Variants in TIAM2 observed in about 807,000 individuals in gnomAD.
TIAM2 encodes the protein TIAM Rac1 associated GEF 2.
Under a neutral mutation model 152.9 loss-of-function variants are expected in TIAM2, and 80 were observed. The ratio of observed to expected loss-of-function variants is 0.52; its 90% CI spans 0.44 to 0.63. The LOEUF is 0.63. TIAM2 is among the 30% of genes least tolerant of loss of function. The pLI is 0.00. For synonymous variants in TIAM2, 804 were observed against 838.0 expected (o/e 0.96, Z 0.70); for missense variants, 1,965 against 2,120.1 (o/e 0.93, Z 1.44).
At chr6:155,153,796 A>G (rs1286780143) in intron 7 of TIAM2, among the ~76,000 whole-genome samples, 2 of 151,740 alleles carry the variant, frequency 1.3e-5, no homozygotes, top group Non-Finnish European at 2.9e-5. Context: ...TAATTTTTGT[A>G]TTTTTAGTAG....
chr6:155,097,352 A>G (rs1258931890), intron 2 of TIAM2, among the ~76,000 whole-genome samples: 2 of 151,512 alleles, frequency 1.3e-5, no homozygotes, highest in Non-Finnish European at 2.9e-5. Flanking sequence ...TTTTATTTTT[A>G]TTTTTTTGAA....
At chr6:155,030,394 A>T (rs1163816518) in intron 1 of TIAM2, among the ~76,000 whole-genome samples, 3 of 152,154 alleles carry the variant, frequency 2.0e-5, no homozygotes, top group Non-Finnish European at 2.9e-5. Flanking sequence ...CAGTCCTGTG[A>T]TAGCTGCTCA....
Position 155,179,134 on chromosome 6 carries a change from G to T in TIAM2, c.2619G>T (p.Met873Ile), listed in dbSNP as rs1333582929. The change falls in exon 11 of 27, where the codon ATG (methionine) becomes ATT (isoleucine). Residue 873 changes from methionine (M) to isoleucine (I), a missense_variant. Met to Ile is a conservative substitution (Grantham distance 10). Coordinates refer to ENST00000682666, the MANE Select transcript of TIAM2 (RefSeq NM_012454.4). ...EYCIPAPYEY[M>I]QQQVYDEIEV... ...GCATCCCTGCACCATATGAATATAT[G>T]CAACAACAGGTAAGTGTGCACTAGC... 1 of 1,612,612 alleles carries T rather than the reference G, an allele frequency of 6.2e-7. No individual in the cohort carries two copies. The highest frequency in any genetic ancestry group is 1.3e-5 in the African/African-American group (1 of 74,882).
chr6:155,119,286 C>T lies in TIAM2; in HGVS notation c.-117-8204C>T, dbSNP rs141214682. 3.5e-3 allele frequency among the ~76,000 whole-genome samples: 532 copies of T among 151,534 alleles called. 2 individuals are homozygous for T. The highest frequency in any genetic ancestry group is 0.012 in the African/African-American group (503 of 41,320). On this transcript the variant is annotated intron_variant, in intron 2 of 26. Coordinates refer to ENST00000682666, the MANE Select transcript of TIAM2 (RefSeq NM_012454.4). ...CTGACTTCATGTGATCCACCAGCCT[C>T]GGCCTCCCAAAGTCCTGGGATTACA...
chr6:155,062,062 C>T (rs1162954267), intron 1 of TIAM2, among the ~76,000 whole-genome samples: 1 of 151,394 alleles, frequency 6.6e-6, no homozygotes, highest in Non-Finnish European at 1.5e-5. Flanking sequence ...TCTGGCTTAC[C>T]CTCGCCACCG....
intron 2 of TIAM2, among the ~76,000 whole-genome samples, chr6:155,098,951 G>A (rs1778483938): frequency 6.6e-6 from 1 of 152,196 alleles, no homozygotes; most frequent in Admixed American, 6.5e-5. Context: ...ACTTTGGGAG[G>A]CTGAGGCGGG....
At chr6:155,250,619 AC>A in intron 21 of TIAM2, 1 of 1,535,992 alleles carries the variant, frequency 6.5e-7, no homozygotes, top group Non-Finnish European at 8.7e-7. Flanking sequence ...AGAACCACGG[AC>A]ACTGGTAGAG....
Position 155,164,432 on chromosome 6 carries a change from G to T in TIAM2, c.2046G>T (p.Gln682His). The T allele has an allele frequency of 6.3e-7, 1 of 1,596,082 alleles. No individual in the cohort carries two copies. Among genetic ancestry groups the T allele is most frequent in the South Asian group, 1.1e-5 (1 of 89,552 alleles). Residue 682 changes from glutamine (Q) to histidine (H), a missense_variant, in exon 8 of 27, where the codon CAG (glutamine) becomes CAT (histidine). Physicochemically the swap from Gln to His is conservative, Grantham distance 24 (BLOSUM62 0). This residue lies in a region of TIAM2 where 1,025 missense variants were observed against 1,119.4 expected (regional missense o/e 0.92). Transcript: ENST00000682666. Reference sequence around the variant, plus strand: ...GCTTTAAGATCCAGCAATGGGAGCAGAATCTTGAGAAATTTCACATGGATC... The same window carrying T: ...GCTTTAAGATCCAGCAATGGGAGCATAATCTTGAGAAATTTCACATGGATC... ...AIENQIQQWE[Q>H]NLEKFHMDLF...
At chr6:155,103,814 C>T (rs555064538) in intron 2 of TIAM2, among the ~76,000 whole-genome samples, 4 of 148,974 alleles carry the variant, frequency 2.7e-5, no homozygotes, top group Non-Finnish European at 4.4e-5. Context: ...TTTTTGCTCT[C>T]TGATACATAT....
chr6:155,179,873 C>T (rs1431650077), intron 12 of TIAM2, among the ~76,000 whole-genome samples: 1 of 152,172 alleles, frequency 6.6e-6, no homozygotes, highest in African/African-American at 2.4e-5. Context: ...CCCCATCCCT[C>T]CTCTCTGGTG....
intron 26 of TIAM2, chr6:155,256,181 T>TACTC: frequency 3.7e-6 from 2 of 540,634 alleles, no homozygotes; most frequent in South Asian, 5.0e-5. Context: ...CTTTTCAACT[T>TACTC]ACTCCTTGGC....
intron 16 of TIAM2, among the ~76,000 whole-genome samples, chr6:155,243,774 G>C (rs1783169804): frequency 7.3e-6 from 1 of 137,386 alleles, no homozygotes; most frequent in Admixed American, 8.3e-5. Context: ...TTGAACCCAG[G>C]AGGCAGAGGT....
At chr6:155,071,561 G>A (rs1268796397) in intron 1 of TIAM2, among the ~76,000 whole-genome samples, 2 of 152,204 alleles carry the variant, frequency 1.3e-5, no homozygotes, top group South Asian at 2.1e-4. Context: ...GCATAGCATG[G>A]TAAGTGCTTG....
At chr6:155,191,906 A>C in intron 14 of TIAM2, among the ~76,000 whole-genome samples, 1 of 152,136 alleles carries the variant, frequency 6.6e-6, no homozygotes, top group South Asian at 2.1e-4. Flanking sequence ...ATAATGGCCC[A>C]CCCCAAACAT....
chr6:155,042,817 A>G (rs544388163), intron 1 of TIAM2, among the ~76,000 whole-genome samples: 2 of 152,300 alleles, frequency 1.3e-5, no homozygotes, highest in African/African-American at 2.4e-5. Context: ...TATACAACAC[A>G]TTGTTAGTAA....
At chr6:155,115,562 A>C (rs1218608134) in intron 2 of TIAM2, among the ~76,000 whole-genome samples, 1 of 152,154 alleles carries the variant, frequency 6.6e-6, no homozygotes, top group East Asian at 1.9e-4. Flanking sequence ...CTGAGACAGG[A>C]GGCTCACTTG....
At chr6:155,253,101 T>C (rs1783770906) in intron 24 of TIAM2, 48 bp downstream of exon 24, 1 of 1,469,358 alleles carries the variant, frequency 6.8e-7, no homozygotes, top group East Asian at 2.3e-5. Flanking sequence ...TTTAGTAGAC[T>C]TAACTGTGGA....
intron 14 of TIAM2, among the ~76,000 whole-genome samples, chr6:155,189,888 G>C (rs1781154525): frequency 6.6e-6 from 1 of 152,186 alleles, no homozygotes; most frequent in Admixed American, 6.5e-5. Context: ...TCTCAGCGCT[G>C]CAGTTGGACA....
At chr6:155,046,789 C>A (rs970872169) in intron 1 of TIAM2, among the ~76,000 whole-genome samples, 14 of 152,170 alleles carry the variant, frequency 9.2e-5, no homozygotes, top group African/African-American at 3.4e-4. Context: ...GACCTTACTA[C>A]CTGCAGGAGA....
Sources: allele counts gnomAD v4.1 joint callset (sites outside exome capture counted in the v4.1 genomes callset), GRCh38; gene constraint gnomAD v4.1.1; regional missense constraint gnomAD v4.1.1; transcripts MANE v1.5; gene names NCBI Gene and HGNC (gene_info 2026-07-23, HGNC 2026-07-21).